Variants in ZNF385D observed in about 807,000 individuals in gnomAD.
ZNF385D encodes the protein zinc finger protein 385D.
Under a neutral mutation model 35.8 loss-of-function variants are expected in ZNF385D, and 15 were observed. That is an observed-to-expected ratio of 0.42 (90% CI 0.28 to 0.64). ZNF385D has a LOEUF of 0.64. ZNF385D is among the 30% of genes least tolerant of loss of function. The pLI is 0.23. For missense variants in ZNF385D, 474 were observed against 494.6 expected, an observed-to-expected ratio of 0.96 and a Z score of 0.39; for synonymous variants, 212 against 186.8, an observed-to-expected ratio of 1.13 and a Z score of -1.10.
At chr3:22,303,654 C>T (rs186050188) in intron 2 of ZNF385D, among the ~76,000 whole-genome samples, 69 of 152,148 alleles carry the variant, frequency 4.5e-4, no homozygotes, top group East Asian at 3.9e-4. Context: ...AAAATCAAAC[C>T]GGTGATTTGA....
intron 3 of ZNF385D, among the ~76,000 whole-genome samples, chr3:22,001,807 A>C (rs1468310872): frequency 6.6e-6 from 1 of 152,090 alleles, no homozygotes; most frequent in Non-Finnish European, 1.5e-5. Flanking sequence ...AGGCCACCTG[A>C]AAACTATATA....
intron 3 of ZNF385D, among the ~76,000 whole-genome samples, chr3:22,111,317 A>G (rs1231518685): frequency 6.6e-6 from 1 of 151,864 alleles, no homozygotes; most frequent in African/African-American, 2.4e-5. Flanking sequence ...AACTTGGTAA[A>G]TGTAAGTTTA....
intron 4 of ZNF385D, among the ~76,000 whole-genome samples, chr3:21,504,876 T>C (rs947684165): frequency 3.3e-5 from 5 of 152,138 alleles, no homozygotes; most frequent in African/African-American, 4.8e-5. Context: ...GTTTATGTAC[T>C]GTAGAGTATA....
chr3:22,057,513 AT>A (rs35980797), intron 3 of ZNF385D, among the ~76,000 whole-genome samples: 284 of 144,758 alleles, frequency 2.0e-3, no homozygotes, highest in African/African-American at 1.9e-3. Context: ...CTTTTAAAGT[AT>A]TTTTTTTTTT....
rs76126601 is a variant in ZNF385D, at chr3:22,223,882, T to C, written c.107-54847A>G. 4.9e-3 allele frequency among the ~76,000 whole-genome samples: 739 copies of C among 152,258 alleles called. 10 individuals carry two copies. Among genetic ancestry groups the C allele is most frequent in the African/African-American group, 0.017 (692 of 41,564 alleles). ...TAATTCTGATTGGTTTATTTATTTT[T>C]TTACTACATGCCACCCTCACTAGAA... On this transcript the variant is annotated intron_variant, in intron 2 of 5. Coordinates refer to the ZNF385D transcript ENST00000494108.
At chr3:21,623,567 C>A (rs1377066611) in intron 2 of ZNF385D, among the ~76,000 whole-genome samples, 1 of 151,916 alleles carries the variant, frequency 6.6e-6, no homozygotes, top group Non-Finnish European at 1.5e-5. Flanking sequence ...CGCTTGACCC[C>A]AGGAGTTCGA....
intron 3 of ZNF385D, among the ~76,000 whole-genome samples, chr3:21,945,221 A>C (rs924306398): frequency 6.6e-6 from 1 of 151,722 alleles, no homozygotes; most frequent in Admixed American, 6.6e-5. Flanking sequence ...GAAAGAGAGA[A>C]AGAGACAGAG....
At chr3:21,574,415 C>T (rs1401058422) in intron 2 of ZNF385D, among the ~76,000 whole-genome samples, 1 of 151,998 alleles carries the variant, frequency 6.6e-6, no homozygotes, top group East Asian at 1.9e-4. Context: ...CTAAAGATAC[C>T]TCAGAGACAT....
At chr3:22,338,563 T>C (rs1418447999) in intron 2 of ZNF385D, among the ~76,000 whole-genome samples, 1 of 152,114 alleles carries the variant, frequency 6.6e-6, no homozygotes, top group African/African-American at 2.4e-5. Context: ...TTAACATAAA[T>C]AGCTCTAGAT....
At chr3:21,531,571 A>T (rs1465157372) in intron 3 of ZNF385D, among the ~76,000 whole-genome samples, 1 of 152,206 alleles carries the variant, frequency 6.6e-6, no homozygotes, top group Non-Finnish European at 1.5e-5. Flanking sequence ...AACATTATTC[A>T]ATGCTAAAAA....
intron 2 of ZNF385D, among the ~76,000 whole-genome samples, chr3:21,603,286 T>C (rs1472376610): frequency 2.0e-5 from 3 of 152,232 alleles, no homozygotes; most frequent in Admixed American, 6.5e-5. Context: ...CTGGAAGATA[T>C]GCACATTAGT....
At position 21,540,121 on chromosome 3, in the gene ZNF385D, G is replaced by A. The variant is rs114117502; in HGVS notation, c.276+24453C>T. 1.8e-3 allele frequency among the ~76,000 whole-genome samples: 279 copies of A among 152,264 alleles called. 1 individual carries two copies. The highest frequency in any genetic ancestry group is 6.5e-3 in the African/African-American group (272 of 41,568). ...ATATTCATCGAAGTATAATTCATAT[G>A]CATTTAGTTAGAAGCTGGAGAAAGC... On this transcript the variant is annotated intron_variant, in intron 3 of 7. Coordinates refer to ENST00000281523, the MANE Select transcript of ZNF385D (RefSeq NM_024697.3).
At chr3:22,123,195 G>A (rs1200588054) in intron 3 of ZNF385D, among the ~76,000 whole-genome samples, 1 of 152,112 alleles carries the variant, frequency 6.6e-6, no homozygotes, top group East Asian at 1.9e-4. Context: ...GAAGAGAAAA[G>A]AGAAAAAGTG....
At chr3:22,260,286 A>C (rs1296697807) in intron 2 of ZNF385D, among the ~76,000 whole-genome samples, 1 of 152,010 alleles carries the variant, frequency 6.6e-6, no homozygotes, top group Non-Finnish European at 1.5e-5. Flanking sequence ...GGAGTTGAAC[A>C]ATGAGAACAC....
At chr3:21,913,256 T>C (rs1700050657) in intron 3 of ZNF385D, among the ~76,000 whole-genome samples, 1 of 152,114 alleles carries the variant, frequency 6.6e-6, no homozygotes, top group Non-Finnish European at 1.5e-5. Flanking sequence ...CTGCAATGCG[T>C]GTTAACTAGA....
chr3:22,013,531 T>A (rs1696704280), intron 3 of ZNF385D, among the ~76,000 whole-genome samples: 1 of 152,142 alleles, frequency 6.6e-6, no homozygotes, highest in Admixed American at 6.6e-5. Context: ...CAAATAAAGA[T>A]TTGAAAATAG....
intron 3 of ZNF385D, among the ~76,000 whole-genome samples, chr3:21,918,459 TTG>T (rs1700300839): frequency 6.6e-6 from 1 of 151,464 alleles, no homozygotes; most frequent in African/African-American, 2.4e-5. Context: ...AATTCTAAAA[TTG>T]TCTTTCTTGA....
chr3:22,187,150 T>G (rs17010973), intron 2 of ZNF385D, among the ~76,000 whole-genome samples: 4,183 of 152,246 alleles, frequency 0.027, 186 homozygotes, highest in African/African-American at 0.095. Flanking sequence ...CTTCAAAAAT[T>G]TCGTGGCCAT....
At chr3:22,089,276 T>C (rs183365488) in intron 3 of ZNF385D, among the ~76,000 whole-genome samples, 28 of 152,326 alleles carry the variant, frequency 1.8e-4, no homozygotes, top group East Asian at 7.7e-4. Flanking sequence ...GGAAAAATTA[T>C]CTGTAAATAT....
Sources: gnomAD v4.1 joint callset for allele counts (sites outside exome capture counted in the v4.1 genomes callset) on GRCh38, gnomAD v4.1.1 for gene constraint, MANE v1.5 for transcripts, NCBI Gene and HGNC (gene_info 2026-07-23, HGNC 2026-07-21) for gene names.